XYLT1: variants seen among roughly 807,000 people sequenced by gnomAD.
XYLT1 encodes the protein beta-D-xylosyltransferase 1.
In XYLT1, 36 loss-of-function variants were observed where a neutral mutation model predicts 91.3. The observed-to-expected ratio is 0.39, with a 90% CI of 0.30 to 0.52. XYLT1 has a LOEUF of 0.52. XYLT1 is among the 20% of genes least tolerant of loss of function. The pLI, the probability that XYLT1 is intolerant of heterozygous loss-of-function variation, is 0.68. For synonymous variants in XYLT1, 588 were observed against 532.0 expected (o/e 1.11, Z -1.45); for missense variants, 1,242 against 1,284.5 (o/e 0.97, Z 0.51).
chr16:17,166,304 T>C (rs1005504576), intron 5 of XYLT1, among the ~76,000 whole-genome samples: 9 of 152,200 alleles, frequency 5.9e-5, no homozygotes, highest in African/African-American at 2.2e-4. Context: ...ACAGTGCTTT[T>C]CAGGACCATG....
intron 2 of XYLT1, among the ~76,000 whole-genome samples, chr16:17,278,504 T>C (rs956610792): frequency 1.3e-5 from 2 of 152,190 alleles, no homozygotes; most frequent in Non-Finnish European, 2.9e-5. Context: ...GACTGGGATT[T>C]CCACACTGTC....
intron 1 of XYLT1, among the ~76,000 whole-genome samples, chr16:17,379,222 T>A (rs951477590): frequency 6.6e-6 from 1 of 152,114 alleles, no homozygotes; most frequent in African/African-American, 2.4e-5. Context: ...AGGAGACACC[T>A]CCTAAAATAA....
intron 2 of XYLT1, among the ~76,000 whole-genome samples, chr16:17,357,475 G>A (rs1445415921): frequency 2.0e-5 from 3 of 152,142 alleles, no homozygotes; most frequent in South Asian, 2.1e-4. Flanking sequence ...AGTCAGGGCC[G>A]TGCCCTCCCT....
chr16:17,121,484 A>G (rs2030052996), intron 10 of XYLT1, among the ~76,000 whole-genome samples: 1 of 152,194 alleles, frequency 6.6e-6, no homozygotes, highest in African/African-American at 2.4e-5. Flanking sequence ...ATTCAAATAC[A>G]TATTCAAATT....
chr16:17,429,298 T>C (rs904060650), intron 1 of XYLT1, among the ~76,000 whole-genome samples: 4 of 151,930 alleles, frequency 2.6e-5, no homozygotes, highest in Non-Finnish European at 5.9e-5. Context: ...ACAAACAGAG[T>C]AAGGTAAGAG....
At chr16:17,241,553 C>G (rs2033346014) in intron 3 of XYLT1, among the ~76,000 whole-genome samples, 1 of 152,100 alleles carries the variant, frequency 6.6e-6, no homozygotes, top group South Asian at 2.1e-4. Context: ...TTTTTAATGG[C>G]CATAAAATTT....
chr16:17,151,753 A>G (rs748374163), intron 6 of XYLT1, among the ~76,000 whole-genome samples: 2 of 152,194 alleles, frequency 1.3e-5, no homozygotes, highest in African/African-American at 2.4e-5. Context: ...CCGGCCTCCA[A>G]TAGGAGAATG....
chr16:17,424,150 A>G (rs2036283213), intron 1 of XYLT1, among the ~76,000 whole-genome samples: 1 of 152,194 alleles, frequency 6.6e-6, no homozygotes, highest in Non-Finnish European at 1.5e-5. Context: ...TGAAAAGCTG[A>G]TGCAAATAAC....
At chr16:17,253,859 AGAGC>A (rs1555491315) in intron 3 of XYLT1, among the ~76,000 whole-genome samples, 10 of 146,146 alleles carry the variant, frequency 6.8e-5, no homozygotes, top group Non-Finnish European at 1.2e-4. Context: ...AGAGAGAGAG[AGAGC>A]GAGCCTGCAG....
At chr16:17,409,772 A>G (rs925153302) in intron 1 of XYLT1, among the ~76,000 whole-genome samples, 1 of 151,516 alleles carries the variant, frequency 6.6e-6, no homozygotes, top group Non-Finnish European at 1.5e-5. Context: ...CTGGTCTCGA[A>G]CTCCTGACCT....
chr16:17,455,450 A>C (rs980218471), intron 1 of XYLT1, among the ~76,000 whole-genome samples: 2 of 152,176 alleles, frequency 1.3e-5, no homozygotes, highest in African/African-American at 4.8e-5. Context: ...TAGAGTACTT[A>C]AGAATATTTA....
At chr16:17,397,827 CTTTTTTTTTTT>C (rs749199983) in intron 1 of XYLT1, among the ~76,000 whole-genome samples, 2 of 108,732 alleles carry the variant, frequency 1.8e-5, no homozygotes, top group South Asian at 2.9e-4. Flanking sequence ...TTGAATAGCT[CTTTTTTTTTTT>C]TTTTTTTTTT....
intron 2 of XYLT1, among the ~76,000 whole-genome samples, chr16:17,345,971 T>C (rs978477761): frequency 6.6e-6 from 1 of 151,862 alleles, no homozygotes; most frequent in Non-Finnish European, 1.5e-5. Context: ...CCACCACACG[T>C]GGCTAATTTT....
intron 1 of XYLT1, among the ~76,000 whole-genome samples, chr16:17,414,020 C>A (rs548752525): frequency 1.9e-4 from 29 of 152,294 alleles, no homozygotes; most frequent in African/African-American, 7.0e-4. Context: ...AAACTGTTTG[C>A]CCTGCCTTGC....
intron 1 of XYLT1, among the ~76,000 whole-genome samples, chr16:17,400,058 A>G (rs2035944648): frequency 6.6e-6 from 1 of 152,190 alleles, no homozygotes; most frequent in Non-Finnish European, 1.5e-5. Flanking sequence ...CAGGCTTCTC[A>G]TTTATTTGGC....
chr16:17,415,464 C>T (rs1279096606), intron 1 of XYLT1, among the ~76,000 whole-genome samples: 1 of 152,132 alleles, frequency 6.6e-6, no homozygotes, highest in African/African-American at 2.4e-5. Context: ...CCGAGGCGGG[C>T]GGATTGCCTA....
chr16:17,391,335 C>A (rs1360738821), intron 1 of XYLT1, among the ~76,000 whole-genome samples: 1 of 152,144 alleles, frequency 6.6e-6, no homozygotes, highest in Non-Finnish European at 1.5e-5. Flanking sequence ...CATTTTCCAC[C>A]CACCCCTGTG....
chr16:17,220,188 T>C (rs1309066242), intron 3 of XYLT1, among the ~76,000 whole-genome samples: 1 of 152,158 alleles, frequency 6.6e-6, no homozygotes, highest in Non-Finnish European at 1.5e-5. Flanking sequence ...AGGAAACACA[T>C]GTAATGTTAA....
At chr16:17,369,184 C>A (rs1257880245) in intron 1 of XYLT1, among the ~76,000 whole-genome samples, 3 of 143,566 alleles carry the variant, frequency 2.1e-5, no homozygotes, top group Non-Finnish European at 3.0e-5. Flanking sequence ...AGCTAGAGTG[C>A]AGTGGCGTGA....
Sources: gnomAD v4.1 joint callset for allele counts (sites outside exome capture counted in the v4.1 genomes callset) on GRCh38, gnomAD v4.1.1 for gene constraint, MANE v1.5 for transcripts, NCBI Gene and HGNC (gene_info 2026-07-23, HGNC 2026-07-21) for gene names.